The following LRRC4C variants were observed in gnomAD, a reference collection of about 807,000 sequenced individuals.
LRRC4C encodes leucine rich repeat containing 4C.
LRRC4C carries 5 observed loss-of-function variants against 33.6 expected under a neutral mutation model. The ratio of observed to expected loss-of-function variants is 0.15; its 90% CI spans 0.08 to 0.31. The LOEUF is 0.31. Ranked by LOEUF, LRRC4C falls within the 10% of genes least tolerant of loss-of-function variation. The pLI is 1.00. For synonymous variants in LRRC4C, 329 were observed against 302.0 expected (o/e 1.09, Z -0.93); for missense variants, 560 against 796.7 (o/e 0.70, Z 3.58).
At chr11:41,305,052 G>A (rs1950446043) in intron 1 of LRRC4C, among the ~76,000 whole-genome samples, 1 of 68,568 alleles carries the variant, frequency 1.5e-5, no homozygotes, top group African/African-American at 5.0e-5. Flanking sequence ...AGGTGGGGGG[G>A]GGGTCAGCCC....
intron 1 of LRRC4C, among the ~76,000 whole-genome samples, chr11:41,184,467 C>A (rs931097175): frequency 1.8e-4 from 28 of 152,142 alleles, no homozygotes. Context: ...CTAAATGACA[C>A]CAGTTTATTT....
chr11:40,935,502 T>G (rs1957833278), intron 1 of LRRC4C, among the ~76,000 whole-genome samples: 1 of 152,160 alleles, frequency 6.6e-6, no homozygotes, highest in African/African-American at 2.4e-5. Flanking sequence ...TTTCTATGTT[T>G]AGGTATTTTT....
intron 1 of LRRC4C, among the ~76,000 whole-genome samples, chr11:41,422,070 G>A (rs1489523494): frequency 6.6e-6 from 1 of 152,070 alleles, no homozygotes; most frequent in Non-Finnish European, 1.5e-5. Flanking sequence ...GAAGAAAACT[G>A]CATTCATGAG....
intron 5 of LRRC4C, among the ~76,000 whole-genome samples, chr11:40,157,951 G>T (rs988200066): frequency 6.6e-6 from 1 of 152,234 alleles, no homozygotes; most frequent in Admixed American, 6.5e-5. Flanking sequence ...ATTTGAAAAA[G>T]ATACTTGCAC....
rs1253010309 is a variant in LRRC4C, at chr11:40,397,362, C to T, written c.-269-77641G>A. On this transcript the variant is annotated intron_variant, in intron 3 of 6. Coordinates refer to ENST00000528697, the MANE Select transcript of LRRC4C (RefSeq NM_001258419.2). ...TAATATTGCTGGCAGTCATCCTAGA[C>T]ATCAATTTTGAAGTTAAGTAAAAGC... Among the ~76,000 whole-genome samples the T allele has an allele frequency of 2.0e-5, 3 of 151,926 alleles. No homozygotes were observed. The East Asian group carries it at 5.8e-4, about 29-fold the overall frequency.
chr11:40,738,149 G>A (rs1947979285), intron 2 of LRRC4C, among the ~76,000 whole-genome samples: 1 of 152,024 alleles, frequency 6.6e-6, no homozygotes, highest in Admixed American at 6.6e-5. Context: ...AAATAGTGTT[G>A]GGAAAACTGG....
chr11:40,998,298 G>A lies in LRRC4C; in HGVS notation c.-495-64575C>T, dbSNP rs550582699. On this transcript the variant is annotated intron_variant, in intron 1 of 6. Coordinates refer to ENST00000528697, the MANE Select transcript of LRRC4C (RefSeq NM_001258419.2). The stretch of plus-strand genomic sequence containing the variant: ...AAGGACATTCTTCCATGTAACCACA[G>A]TCTCACTCAGGAAATGTGACATTGG... 1.9e-3 allele frequency among the ~76,000 whole-genome samples: 292 copies of A among 151,714 alleles called. 2 individuals carry two copies. The highest frequency in any genetic ancestry group is 2.9e-3 in the Non-Finnish European group (197 of 67,946).
chr11:40,514,704 G>A (rs1955491802), intron 3 of LRRC4C, among the ~76,000 whole-genome samples: 3 of 151,822 alleles, frequency 2.0e-5, no homozygotes, highest in Admixed American at 2.0e-4. Context: ...ATATGTTGTT[G>A]TGTAGTTCTC....
chr11:40,365,132 G>A (rs1474407496), intron 3 of LRRC4C, among the ~76,000 whole-genome samples: 1 of 150,584 alleles, frequency 6.6e-6, no homozygotes, highest in Non-Finnish European at 1.5e-5. Flanking sequence ...GAAATATATA[G>A]GGAATGGCAA....
At chr11:40,572,213 G>GA (rs1958009477) in intron 3 of LRRC4C, among the ~76,000 whole-genome samples, 1 of 152,196 alleles carries the variant, frequency 6.6e-6, no homozygotes, top group Non-Finnish European at 1.5e-5. Flanking sequence ...GCTAATTGAA[G>GA]TTAGAAAGGA....
chr11:41,203,119 G>A (rs1210296213), intron 1 of LRRC4C, among the ~76,000 whole-genome samples: 3 of 152,276 alleles, frequency 2.0e-5, no homozygotes, highest in Non-Finnish European at 4.4e-5. Flanking sequence ...TTCTTGGGCT[G>A]TGTTCATCAT....
Position 41,052,518 on chromosome 11 carries a change from C to T in LRRC4C, c.-495-118795G>A, listed in dbSNP as rs534141820. On this transcript the variant is annotated intron_variant, in intron 1 of 6. Coordinates refer to ENST00000528697, the MANE Select transcript of LRRC4C (RefSeq NM_001258419.2). ...CCTTTACATGGTCTCTGTTCACTTT[C>T]GTATTTAAAAGTTTTACTTTGCTCC... is the stretch of plus-strand genomic sequence containing the variant. Among the ~76,000 whole-genome samples the T allele has an allele frequency of 5.6e-4, 85 of 151,536 alleles. 1 individual carries two copies. In the South Asian group the frequency reaches 7.1e-3, roughly 13 times the overall value.
At chr11:40,886,958 G>GTATATATACATATA (rs1955490872) in intron 2 of LRRC4C, among the ~76,000 whole-genome samples, 9 of 106,212 alleles carry the variant, frequency 8.5e-5, no homozygotes, top group Non-Finnish European at 1.2e-4. Flanking sequence ...ACACGTGTGT[G>GTATATATACATATA]TATATATATA....
chr11:40,625,948 G>A (rs777115838), intron 3 of LRRC4C, among the ~76,000 whole-genome samples: 3 of 152,058 alleles, frequency 2.0e-5, no homozygotes, highest in South Asian at 2.1e-4. Context: ...CAGCCAACAC[G>A]ATGCTATTAA....
chr11:40,696,154 A>T (rs1945498981), intron 2 of LRRC4C, among the ~76,000 whole-genome samples: 1 of 148,460 alleles, frequency 6.7e-6, no homozygotes, highest in Admixed American at 6.8e-5. Context: ...TGCAACAAGC[A>T]ATCTAAGAAA....
At chr11:40,778,161 ATG>A (rs1950082699) in intron 2 of LRRC4C, among the ~76,000 whole-genome samples, 1 of 152,118 alleles carries the variant, frequency 6.6e-6, no homozygotes, top group South Asian at 2.1e-4. Flanking sequence ...TCTGTTGACT[ATG>A]TACTCAAATT....
At chr11:41,000,879 A>G (rs1854323330) in intron 1 of LRRC4C, among the ~76,000 whole-genome samples, 1 of 152,182 alleles carries the variant, frequency 6.6e-6, no homozygotes, top group Admixed American at 6.6e-5. Flanking sequence ...GTGCATTGAG[A>G]TGTTTATTTT....
At chr11:40,706,755 G>C (rs1322940253) in intron 2 of LRRC4C, among the ~76,000 whole-genome samples, 1 of 152,148 alleles carries the variant, frequency 6.6e-6, no homozygotes, top group African/African-American at 2.4e-5. Context: ...GAAAGTCATT[G>C]GTAGCTTGAT....
chr11:41,255,411 C>A (rs548958356), intron 1 of LRRC4C, among the ~76,000 whole-genome samples: 1 of 151,952 alleles, frequency 6.6e-6, no homozygotes, highest in African/African-American at 2.4e-5. Flanking sequence ...AAGGGAATGA[C>A]CCCAGAGGAA....
Sources: gnomAD v4.1 joint callset for allele counts (sites outside exome capture counted in the v4.1 genomes callset) on GRCh38, gnomAD v4.1.1 for gene constraint, MANE v1.5 for transcripts, NCBI Gene and HGNC (gene_info 2026-07-23, HGNC 2026-07-21) for gene names.